PTPN12: variants seen among roughly 807,000 people sequenced by gnomAD.
The protein encoded by PTPN12 is tyrosine-protein phosphatase non-receptor type 12.
Under a neutral mutation model 97.6 loss-of-function variants are expected in PTPN12, and 29 were observed. The ratio of observed to expected loss-of-function variants is 0.30; its 90% CI spans 0.22 to 0.41. PTPN12 has a LOEUF of 0.41. Ranked by LOEUF, PTPN12 falls within the 10% of genes least tolerant of loss-of-function variation. PTPN12 has a pLI of 1.00. For synonymous variants in PTPN12, 327 were observed against 300.4 expected (o/e 1.09, Z -0.91); for missense variants, 819 against 926.0 (o/e 0.88, Z 1.50).
At chr7:77,610,465 T>G (rs1403271905) in intron 9 of PTPN12, among the ~76,000 whole-genome samples, 1 of 152,222 alleles carries the variant, frequency 6.6e-6, no homozygotes, top group Non-Finnish European at 1.5e-5. Flanking sequence ...ATAACCTTCT[T>G]TTGATATCCA....
At chr7:77,584,114 A>G (rs1008597154) in intron 4 of PTPN12, among the ~76,000 whole-genome samples, 1 of 152,204 alleles carries the variant, frequency 6.6e-6, no homozygotes, top group Non-Finnish European at 1.5e-5. Context: ...AAGGGAAATA[A>G]TATGCCCTTA....
In PTPN12 at chr7:77,625,472, G is replaced by GCTCTCTCTCTCT. The variant is rs775712037; in HGVS notation, c.1026-1193_1026-1182dup. On this transcript the variant is annotated intron_variant, in intron 12 of 17. Transcript: ENST00000248594. ...TTTTGCCATATTGCCCAGGCTGCTC[G>GCTCTCTCTCTCT]CTCTCTCTCTCTCTCTCTCTCTCTC... Among the ~76,000 whole-genome samples, 76 of 33,488 alleles carry GCTCTCTCTCTCT rather than the reference G, an allele frequency of 2.3e-3. 5 individuals carry two copies. The highest frequency in any genetic ancestry group is 3.4e-3 in the Non-Finnish European group (68 of 19,990). The allele number at this position is 33,488 out of a possible 152,430, so 22.0% of individuals were successfully genotyped here. A position where few individuals can be genotyped will look rare whatever the true frequency, so the allele number is the denominator to read the frequency against.
intron 1 of PTPN12, among the ~76,000 whole-genome samples, chr7:77,543,375 A>G (rs1807076882): frequency 1.3e-5 from 2 of 149,646 alleles, no homozygotes; most frequent in Admixed American, 1.3e-4. Flanking sequence ...AGAGAACTAG[A>G]GAATATTTTT....
chr7:77,543,870 A>G (rs1438116225), intron 1 of PTPN12, among the ~76,000 whole-genome samples: 1 of 152,216 alleles, frequency 6.6e-6, no homozygotes, highest in African/African-American at 2.4e-5. Context: ...TGGCTGAATA[A>G]TATTCTATTG....
intron 1 of PTPN12, among the ~76,000 whole-genome samples, chr7:77,567,477 A>C (rs1584119475): frequency 6.6e-6 from 1 of 152,208 alleles, no homozygotes; most frequent in Non-Finnish European, 1.5e-5. Context: ...GAGACCACCA[A>C]CAAGCAAAGA....
chr7:77,609,730 A>C (rs1788499770), intron 9 of PTPN12, among the ~76,000 whole-genome samples: 1 of 151,982 alleles, frequency 6.6e-6, no homozygotes. Flanking sequence ...AATATAAAAA[A>C]AATCGCCAGG....
intron 1 of PTPN12, among the ~76,000 whole-genome samples, chr7:77,546,635 G>T (rs1807231185): frequency 6.6e-6 from 1 of 152,106 alleles, no homozygotes; most frequent in African/African-American, 2.4e-5. Context: ...AGTTTTTTTT[G>T]GAGAAAGTGG....
At chr7:77,568,835 A>G (rs989946371) in intron 1 of PTPN12, among the ~76,000 whole-genome samples, 1 of 152,084 alleles carries the variant, frequency 6.6e-6, no homozygotes, top group Non-Finnish European at 1.5e-5. Context: ...TCCTTCTCTA[A>G]GTCAGATTCA....
At position 77,582,294 on chromosome 7, in the gene PTPN12, G is replaced by A. The variant is rs542877553; in HGVS notation, c.285+791G>A. On this transcript the variant is annotated intron_variant, in intron 3 of 17. Coordinates refer to ENST00000248594, the MANE Select transcript of PTPN12 (RefSeq NM_002835.4). Reference sequence around the variant, plus strand: ...ATAGGCGTGAGCCACTGCGCCCAGCGTCAAGTTCTTTATGGTAGCAGTAGA... The same window carrying A: ...ATAGGCGTGAGCCACTGCGCCCAGCATCAAGTTCTTTATGGTAGCAGTAGA... Among the ~76,000 whole-genome samples the A allele has an allele frequency of 2.6e-5, 4 of 151,610 alleles. No individual in the cohort carries two copies. In the South Asian group the frequency reaches 8.3e-4, roughly 32 times the overall value.
At chr7:77,611,393 T>C (rs1584189865) in intron 11 of PTPN12, among the ~76,000 whole-genome samples, 1 of 152,232 alleles carries the variant, frequency 6.6e-6, no homozygotes, top group East Asian at 1.9e-4. Context: ...TTGATTCTAC[T>C]TGAATTTCAT....
Position 77,571,125 on chromosome 7 carries a change from C to T in PTPN12, c.147C>T (p.Pro49=), listed in dbSNP as rs774025235. ...AATATAGAACAGAAAAGATATATCC[C>T]ACAGCCACTGGAGAAAAAGAAGAAA... ...STKYRTEKIY[P]TATGEKEENV... The change falls in exon 2 of 18, where the codon CCC becomes CCT. Residue 49 remains proline, a synonymous_variant. Transcript: ENST00000248594. The T allele has an allele frequency of 6.2e-7, 1 of 1,602,992 alleles. No homozygotes were observed. The highest frequency in any genetic ancestry group is 1.1e-5 in the South Asian group (1 of 89,552).
chr7:77,577,887 A>T (rs1352183734), intron 2 of PTPN12, among the ~76,000 whole-genome samples: 2 of 152,190 alleles, frequency 1.3e-5, no homozygotes, highest in African/African-American at 4.8e-5. Flanking sequence ...TGCTTTCCCC[A>T]GCTGTTGAAT....
intron 12 of PTPN12, among the ~76,000 whole-genome samples, chr7:77,622,703 G>A (rs767867523): frequency 3.3e-5 from 5 of 151,900 alleles, no homozygotes; most frequent in East Asian, 1.9e-4. Flanking sequence ...CCCGGGAGGC[G>A]GAAGTTACAG....
intron 1 of PTPN12, among the ~76,000 whole-genome samples, chr7:77,561,349 G>A (rs1807986338): frequency 6.6e-6 from 1 of 152,306 alleles, no homozygotes; most frequent in Admixed American, 6.5e-5. Flanking sequence ...AAGCTATTAA[G>A]ATTTTGATGC....
chr7:77,633,279 A>AC (rs1789468859), intron 14 of PTPN12, among the ~76,000 whole-genome samples: 2 of 151,614 alleles, frequency 1.3e-5, no homozygotes, highest in South Asian at 4.2e-4. Context: ...TTAAAAAAAA[A>AC]ATGCAATTAT....
intron 1 of PTPN12, 112 bp downstream of exon 1, chr7:77,537,757 G>C: frequency 8.4e-7 from 1 of 1,188,872 alleles, no homozygotes. Context: ...AGGGGCGGAG[G>C]GGGCGCGCAC....
chr7:77,613,879 T>G (rs184483802), intron 11 of PTPN12, among the ~76,000 whole-genome samples: 386 of 152,152 alleles, frequency 2.5e-3, no homozygotes, highest in Middle Eastern at 0.01. Context: ...TATTGCAATA[T>G]TCAGTGTTTG....
At chr7:77,548,469 C>CT (rs1244691265) in intron 1 of PTPN12, among the ~76,000 whole-genome samples, 1 of 152,188 alleles carries the variant, frequency 6.6e-6, no homozygotes, top group Admixed American at 6.5e-5. Flanking sequence ...GTCATAAACT[C>CT]TTTAGTGTTA....
At chr7:77,628,567 T>G (rs1789283377) in intron 13 of PTPN12, among the ~76,000 whole-genome samples, 1 of 151,998 alleles carries the variant, frequency 6.6e-6, no homozygotes, top group Non-Finnish European at 1.5e-5. Context: ...AAGATTTTTT[T>G]TTTTTTTTGA....
Sources: allele counts gnomAD v4.1 joint callset (sites outside exome capture counted in the v4.1 genomes callset), GRCh38; gene constraint gnomAD v4.1.1; transcripts MANE v1.5; gene names NCBI Gene and HGNC (gene_info 2026-07-23, HGNC 2026-07-21).